Variants in GRID1 observed in about 807,000 individuals in gnomAD.
GRID1 encodes the protein glutamate ionotropic receptor delta type subunit 1.
In GRID1, 28 loss-of-function variants were observed where a neutral mutation model predicts 98.0. That is an observed-to-expected ratio of 0.29 (90% CI 0.21 to 0.39). GRID1 has a LOEUF of 0.39. Ranked by LOEUF, GRID1 falls within the 10% of genes least tolerant of loss-of-function variation. The pLI, the probability that GRID1 is intolerant of heterozygous loss-of-function variation, is 1.00. For synonymous variants in GRID1, 553 were observed against 538.5 expected (o/e 1.03, Z -0.37); for missense variants, 1,111 against 1,340.5 (o/e 0.83, Z 2.67).
intron 2 of GRID1, among the ~76,000 whole-genome samples, chr10:86,299,853 G>A (rs185610220): frequency 3.9e-5 from 6 of 152,242 alleles, no homozygotes; most frequent in African/African-American, 1.4e-4. Context: ...GTTAGTCTTG[G>A]GGACACTGAA....
chr10:85,901,771 G>T lies in GRID1; in HGVS notation c.780+14415C>A, dbSNP rs746221928. ...ACAATGGTATGTCACTTCTTCCTCG[G>T]TCCTGCTCCCAAAACCCATCATCTG... On this transcript the variant is annotated intron_variant, in intron 5 of 15. Coordinates refer to ENST00000327946, the MANE Select transcript of GRID1 (RefSeq NM_017551.3). Among the ~76,000 whole-genome samples the T allele has an allele frequency of 4.6e-5, 7 of 152,220 alleles. No individual in the cohort carries two copies. In the East Asian group the frequency reaches 7.7e-4, roughly 17 times the overall value.
chr10:86,365,153 T>TC lies in GRID1; in HGVS notation c.80-1058dup, dbSNP rs1848657762. Among the ~76,000 whole-genome samples the TC allele has an allele frequency of 6.6e-6, 1 of 151,884 alleles. No individual in the cohort carries two copies. Among genetic ancestry groups the TC allele is most frequent in the African/African-American group, 2.4e-5 (1 of 41,316 alleles). Reference sequence around the variant, plus strand: ...ATGCTGACCGCGAGACCCGCACCCCTCCAGGGCGGGAAGCAGGTTTGGTCA... The same window carrying TC: ...ATGCTGACCGCGAGACCCGCACCCCTCCCAGGGCGGGAAGCAGGTTTGGTCA... On this transcript the variant is annotated intron_variant, in intron 1 of 15. Transcript: ENST00000327946. The surrounding 1 kb of genome is among the most constrained non-coding windows in gnomAD (Gnocchi z 4.8).
chr10:85,782,457 A>C (rs978848682), intron 8 of GRID1, among the ~76,000 whole-genome samples: 1 of 152,250 alleles, frequency 6.6e-6, no homozygotes, highest in Non-Finnish European at 1.5e-5. Flanking sequence ...CAGCAATTAA[A>C]AAAACAAGTA....
chr10:85,735,704 G>A (rs1009635665), intron 8 of GRID1, among the ~76,000 whole-genome samples: 6 of 151,950 alleles, frequency 3.9e-5, no homozygotes, highest in South Asian at 4.1e-4. Context: ...AGAAACGGGT[G>A]GCAATCTTAC....
chr10:85,959,598 C>T (rs1336307670), intron 4 of GRID1, among the ~76,000 whole-genome samples: 3 of 150,410 alleles, frequency 2.0e-5, no homozygotes, highest in African/African-American at 7.3e-5. Flanking sequence ...TCACTTTTTC[C>T]AGGGTTTCAT....
intron 2 of GRID1, among the ~76,000 whole-genome samples, chr10:86,325,720 G>A (rs1848039752): frequency 6.6e-6 from 1 of 152,188 alleles, no homozygotes. Context: ...CTATTGGAAT[G>A]TGGCTAAAAT....
chr10:86,217,582 A>G (rs1029732962), intron 2 of GRID1, among the ~76,000 whole-genome samples: 3 of 152,152 alleles, frequency 2.0e-5, no homozygotes, highest in African/African-American at 7.2e-5. Context: ...TTGGCCAGAC[A>G]CCAATCATGG....
chr10:85,991,768 A>G (rs1842683197), intron 4 of GRID1, among the ~76,000 whole-genome samples: 1 of 152,218 alleles, frequency 6.6e-6, no homozygotes, highest in South Asian at 2.1e-4. Flanking sequence ...GGGTGAAATC[A>G]GTAGACAAAT....
intron 2 of GRID1, among the ~76,000 whole-genome samples, chr10:86,324,485 G>A (rs547890161): frequency 7.9e-5 from 12 of 152,282 alleles, no homozygotes; most frequent in African/African-American, 2.6e-4. Flanking sequence ...GTCTGCTGTA[G>A]CTTAGTGTCC....
At chr10:86,356,105 T>C (rs1848530320) in intron 2 of GRID1, among the ~76,000 whole-genome samples, 1 of 151,962 alleles carries the variant, frequency 6.6e-6, no homozygotes, top group South Asian at 2.1e-4. Flanking sequence ...GAGCACAAGA[T>C]TGGCAGACAT....
intron 3 of GRID1, among the ~76,000 whole-genome samples, chr10:86,174,583 C>A (rs1845546418): frequency 1.3e-5 from 2 of 152,084 alleles, no homozygotes; most frequent in Non-Finnish European, 2.9e-5. Context: ...TAGGCATGGG[C>A]AAGGACTTCA....
At chr10:86,278,076 CTTTAAA>C (rs1242593864) in intron 2 of GRID1, among the ~76,000 whole-genome samples, 1 of 151,998 alleles carries the variant, frequency 6.6e-6, no homozygotes, top group African/African-American at 2.4e-5. Flanking sequence ...TCAATAACTA[CTTTAAA>C]TGTAAATGGG....
chr10:86,157,440 G>A (rs545355747), intron 3 of GRID1, among the ~76,000 whole-genome samples: 20 of 152,314 alleles, frequency 1.3e-4, no homozygotes, highest in Admixed American at 2.6e-4. Context: ...CTGGGTACTC[G>A]GAGGGCTCAA....
chr10:86,114,446 C>A (rs1021328403), intron 4 of GRID1, among the ~76,000 whole-genome samples: 1 of 152,168 alleles, frequency 6.6e-6, no homozygotes, highest in African/African-American at 2.4e-5. Context: ...AACATGACTT[C>A]CATCCCACAG....
chr10:86,269,548 G>A (rs1847154221), intron 2 of GRID1, among the ~76,000 whole-genome samples: 1 of 152,038 alleles, frequency 6.6e-6, no homozygotes, highest in African/African-American at 2.4e-5. Context: ...TCTGCACACT[G>A]GCTGACATTG....
At chr10:86,026,655 C>T (rs1843120688) in intron 4 of GRID1, among the ~76,000 whole-genome samples, 1 of 152,216 alleles carries the variant, frequency 6.6e-6, no homozygotes. Context: ...TACTCTTTGC[C>T]AGACACTGTA....
At chr10:86,360,674 A>G (rs1848588551) in intron 2 of GRID1, among the ~76,000 whole-genome samples, 3 of 152,240 alleles carry the variant, frequency 2.0e-5, no homozygotes, top group Non-Finnish European at 4.4e-5. Context: ...TACTGTTTAC[A>G]GAACACCCAC....
intron 8 of GRID1, among the ~76,000 whole-genome samples, chr10:85,845,171 G>A (rs866685531): frequency 6.6e-6 from 1 of 151,688 alleles, no homozygotes; most frequent in Non-Finnish European, 1.5e-5. Context: ...TAGATGACAT[G>A]ATTGTGTATA....
At chr10:85,952,391 GA>G (rs1471701477) in intron 4 of GRID1, among the ~76,000 whole-genome samples, 1 of 152,164 alleles carries the variant, frequency 6.6e-6, no homozygotes, top group Admixed American at 6.5e-5. Flanking sequence ...AGCTAGACAT[GA>G]AAAAATTAGC....
Sources: gnomAD v4.1 joint callset for allele counts (sites outside exome capture counted in the v4.1 genomes callset) on GRCh38, gnomAD v4.1.1 for gene constraint, Gnocchi (gnomAD v3.1) non-coding constraint, MANE v1.5 for transcripts, NCBI Gene and HGNC (gene_info 2026-07-23, HGNC 2026-07-21) for gene names.